NEGR1: variants seen among roughly 807,000 people sequenced by gnomAD.
The protein encoded by NEGR1 is IgLON family member 4.
NEGR1 carries 10 observed loss-of-function variants against 40.9 expected under a neutral mutation model. That is an observed-to-expected ratio of 0.24 (90% CI 0.15 to 0.42). The LOEUF is 0.42. Ranked by LOEUF, NEGR1 falls within the 10% of genes least tolerant of loss-of-function variation. The pLI, the probability that NEGR1 is intolerant of heterozygous loss-of-function variation, is 1.00. For missense variants in NEGR1, 352 were observed against 438.9 expected, an observed-to-expected ratio of 0.80 and a Z score of 1.77; for synonymous variants, 185 against 166.8, an observed-to-expected ratio of 1.11 and a Z score of -0.84.
intron 1 of NEGR1, among the ~76,000 whole-genome samples, chr1:72,013,204 G>A (rs1270226691): frequency 1.3e-5 from 2 of 151,916 alleles, no homozygotes; most frequent in African/African-American, 4.8e-5. Context: ...GAATTTGAAT[G>A]AGCCCCAGAG....
chr1:71,829,105 A>AT (rs1033829452), intron 2 of NEGR1, among the ~76,000 whole-genome samples: 2 of 151,918 alleles, frequency 1.3e-5, no homozygotes, highest in African/African-American at 4.8e-5. Context: ...ATACTTTGTG[A>AT]TTTTTTAATA....
chr1:71,838,423 C>T (rs539706492), intron 2 of NEGR1, among the ~76,000 whole-genome samples: 8 of 152,154 alleles, frequency 5.3e-5, no homozygotes, highest in Middle Eastern at 3.4e-3. Flanking sequence ...ATTTAAACAT[C>T]TATTTTAAAA....
At chr1:71,676,512 A>G (rs1251327598) in intron 4 of NEGR1, among the ~76,000 whole-genome samples, 2 of 152,210 alleles carry the variant, frequency 1.3e-5, no homozygotes, top group African/African-American at 4.8e-5. Context: ...ACAATGAACT[A>G]TAAGTGATCT....
intron 1 of NEGR1, among the ~76,000 whole-genome samples, chr1:72,243,269 C>T (rs919037596): frequency 6.6e-6 from 1 of 151,716 alleles, no homozygotes; most frequent in Non-Finnish European, 1.5e-5. Context: ...CTTAAAAGGG[C>T]TACTTCAGTT....
chr1:71,979,573 C>T (rs1646336822), intron 1 of NEGR1, among the ~76,000 whole-genome samples: 1 of 151,972 alleles, frequency 6.6e-6, no homozygotes, highest in Non-Finnish European at 1.5e-5. Flanking sequence ...TCCAAGTACA[C>T]TAAAATGTCA....
intron 6 of NEGR1, among the ~76,000 whole-genome samples, chr1:71,510,231 A>T (rs1007817583): frequency 3.3e-5 from 5 of 152,218 alleles, no homozygotes; most frequent in African/African-American, 9.6e-5. Flanking sequence ...ATTAATTAAA[A>T]CAGCTATTAA....
At chr1:71,711,721 G>A (rs1570245695) in intron 3 of NEGR1, among the ~76,000 whole-genome samples, 1 of 152,076 alleles carries the variant, frequency 6.6e-6, no homozygotes, top group Non-Finnish European at 1.5e-5. Context: ...GCTAAAAACT[G>A]GAAACTGCCC....
intron 2 of NEGR1, among the ~76,000 whole-genome samples, chr1:71,861,461 A>G (rs899400232): frequency 3.9e-5 from 6 of 152,006 alleles, no homozygotes; most frequent in African/African-American, 1.4e-4. Flanking sequence ...TGCACTGCAA[A>G]CAACTAAGAC....
chr1:71,915,327 T>A (rs568286958), intron 2 of NEGR1, among the ~76,000 whole-genome samples: 7 of 152,052 alleles, frequency 4.6e-5, no homozygotes, highest in Non-Finnish European at 1.0e-4. Flanking sequence ...AAATAGAAAG[T>A]TGGAGAAATA....
intron 6 of NEGR1, among the ~76,000 whole-genome samples, chr1:71,546,356 T>A (rs371888078): frequency 6.6e-6 from 1 of 151,730 alleles, no homozygotes; most frequent in Admixed American, 6.6e-5. Flanking sequence ...CCAAGTATTA[T>A]ACAGTGTGCT....
At chr1:71,531,767 T>C (rs1193136838) in intron 6 of NEGR1, among the ~76,000 whole-genome samples, 2 of 151,470 alleles carry the variant, frequency 1.3e-5, no homozygotes, top group African/African-American at 4.8e-5. Flanking sequence ...AAGTATTCTA[T>C]AATTTGACCA....
intron 1 of NEGR1, among the ~76,000 whole-genome samples, chr1:72,055,368 C>G (rs953969705): frequency 3.3e-5 from 5 of 151,242 alleles, no homozygotes; most frequent in South Asian, 2.1e-4. Context: ...TTATATTGAA[C>G]AAAGAATCTT....
chr1:72,063,984 T>C (rs1420253549), intron 1 of NEGR1, among the ~76,000 whole-genome samples: 2 of 151,968 alleles, frequency 1.3e-5, no homozygotes, highest in African/African-American at 4.8e-5. Flanking sequence ...ACAGTTTCAA[T>C]TTCAGTTTAA....
chr1:72,159,109 C>A (rs569760386), intron 1 of NEGR1, among the ~76,000 whole-genome samples: 9 of 152,210 alleles, frequency 5.9e-5, no homozygotes, highest in Non-Finnish European at 1.2e-4. Context: ...TGAGCATTTT[C>A]TTCTGTGCTT....
chr1:71,725,339 C>T (rs751365544), intron 3 of NEGR1, among the ~76,000 whole-genome samples: 15 of 152,050 alleles, frequency 9.9e-5, no homozygotes, highest in South Asian at 2.1e-4. Context: ...TCCTCTCTTT[C>T]GGAAAATTTT....
chr1:72,134,099 C>G (rs1650357113), intron 1 of NEGR1, among the ~76,000 whole-genome samples: 1 of 152,010 alleles, frequency 6.6e-6, no homozygotes, highest in Non-Finnish European at 1.5e-5. Flanking sequence ...GTTAATTCAT[C>G]ACCTATTCCT....
intron 1 of NEGR1, among the ~76,000 whole-genome samples, chr1:72,267,441 T>C (rs17092518): frequency 0.022 from 3,288 of 151,296 alleles, 114 homozygotes; most frequent in African/African-American, 0.075. Flanking sequence ...ATACTAAAAT[T>C]ATATACATTG....
At chr1:72,159,226 A>T (rs1651467793) in intron 1 of NEGR1, among the ~76,000 whole-genome samples, 1 of 152,168 alleles carries the variant, frequency 6.6e-6, no homozygotes, top group Admixed American at 6.6e-5. Flanking sequence ...AGAGTATTTA[A>T]GAGTAAGAAG....
At chr1:72,239,664 T>C (rs143133379) in intron 1 of NEGR1, among the ~76,000 whole-genome samples, 1,975 of 151,730 alleles carry the variant, frequency 0.013, 44 homozygotes, top group African/African-American at 0.046. Context: ...GGATAAACCA[T>C]TTAAATTAAG....
Sources: allele counts gnomAD v4.1 joint callset (sites outside exome capture counted in the v4.1 genomes callset), GRCh38; gene constraint gnomAD v4.1.1; transcripts MANE v1.5; gene names NCBI Gene and HGNC (gene_info 2026-07-23, HGNC 2026-07-21).